Variants in PODXL observed in about 807,000 individuals in gnomAD.
PODXL encodes the protein podocalyxin.
PODXL carries 20 observed loss-of-function variants against 48.9 expected under a neutral mutation model. The observed-to-expected ratio is 0.41, with a 90% CI of 0.29 to 0.59. The LOEUF (loss-of-function observed/expected upper bound fraction) is 0.59. Among genes scored for constraint, PODXL ranks in the 20% least tolerant of loss-of-function variants. PODXL has a pLI of 0.31. For synonymous variants in PODXL, 295 were observed against 287.4 expected (o/e 1.03, Z -0.27); for missense variants, 606 against 675.1 (o/e 0.90, Z 1.13).
At chr7:131,509,199 A>G (rs1364125282) in intron 4 of PODXL, 166 bp downstream of exon 4, 1 of 815,372 alleles carries the variant, frequency 1.2e-6, no homozygotes, top group Admixed American at 2.1e-5. Context: ...AGGGCAGCTC[A>G]AGCCAGGACC....
At chr7:131,538,012 T>C (rs1302851829) in intron 1 of PODXL, among the ~76,000 whole-genome samples, 1 of 152,216 alleles carries the variant, frequency 6.6e-6, no homozygotes, top group African/African-American at 2.4e-5. Flanking sequence ...CCATTGTGAA[T>C]AGGGCTTCCG....
At position 131,556,518 on chromosome 7, in the gene PODXL, T is replaced by G. The variant is rs540109493; in HGVS notation, c.-159A>C. ...CTCCCGAGTCGCGCTGCGGCGGCTC[T>G]TCCTCCCTGCCGCTGCAGCAGAGCC... On this transcript the variant is annotated 5_prime_UTR_variant, in exon 1 of 9. Coordinates refer to ENST00000378555, the MANE Select transcript of PODXL (RefSeq NM_001018111.3). The G allele has an allele frequency of 5.3e-5, 45 of 841,540 alleles. No homozygotes were observed. In the Admixed American group the frequency reaches 1.4e-3, roughly 26 times the overall value. 52.1% of individuals were successfully genotyped at this position (841,540 alleles called of 1,614,324 possible).
At chr7:131,528,991 C>T (rs1189166035) in intron 1 of PODXL, among the ~76,000 whole-genome samples, 1 of 151,640 alleles carries the variant, frequency 6.6e-6, no homozygotes, top group Non-Finnish European at 1.5e-5. Flanking sequence ...GACAGTGATA[C>T]AAGGAGGAAA....
intron 8 of PODXL, 111 bp downstream of exon 8, chr7:131,505,753 TAGAA>T (rs1797786668): frequency 2.9e-6 from 3 of 1,044,740 alleles, no homozygotes; most frequent in Non-Finnish European, 4.1e-6. Context: ...CTCTGCCTGT[TAGAA>T]AGGGTCCAGG....
Position 131,510,277 on chromosome 7 carries a change from C to T in PODXL, c.761G>A (p.Gly254Asp), listed in dbSNP as rs1584809972. The T allele has an allele frequency of 2.4e-6, 1 of 411,610 alleles. No individual in the cohort carries two copies. The highest frequency in any genetic ancestry group is 4.8e-6 in the Non-Finnish European group (1 of 208,680). The allele number at this position is 411,610 out of a possible 1,614,324, so 25.5% of individuals were successfully genotyped here. The change falls in exon 3 of 9, where the codon GGT becomes GAT. Residue 254 changes from glycine to aspartate, a missense_variant. Transcript: ENST00000378555. ...SQAGLELLTS[G>D]DLPTLASQSA... ...TTGGGAGGCCAAGGTGGGCAGATCA[C>T]CCGAGGTCAGGAGTTCAAGACCAGC...
At chr7:131,517,515 A>G (rs1798020147) in intron 1 of PODXL, among the ~76,000 whole-genome samples, 1 of 152,168 alleles carries the variant, frequency 6.6e-6, no homozygotes, top group Non-Finnish European at 1.5e-5. Flanking sequence ...TTTCTTTTCC[A>G]TGGCTGCGTT....
intron 1 of PODXL, among the ~76,000 whole-genome samples, chr7:131,516,368 G>A (rs1054465290): frequency 3.9e-5 from 6 of 152,078 alleles, no homozygotes; most frequent in East Asian, 1.9e-4. Flanking sequence ...GTGAAACCCC[G>A]TCTCTACTAA....
At position 131,511,429 on chromosome 7, in the gene PODXL, G is replaced by A. The variant is rs1797913513; in HGVS notation, c.105C>T (p.Thr35=). Reference sequence around the variant, plus strand: ...TGTTAGATGAGTCCGTAGTAGTCTGGGTTGCTGTTTGTAAAGATAACAGAG... The same window carrying A: ...TGTTAGATGAGTCCGTAGTAGTCTGAGTTGCTGTTTGTAAAGATAACAGAG... ...SPSPSPSQNA[T]QTTTDSSNKT... Residue 35 remains threonine (T), a synonymous_variant, in exon 2 of 9, where the codon ACC becomes ACT. Transcript: ENST00000378555. 3 of 1,600,226 alleles carry A rather than the reference G, an allele frequency of 1.9e-6. No homozygotes were observed. The highest frequency in any genetic ancestry group is 1.7e-5 in the Admixed American group (1 of 59,988).
chr7:131,528,048 C>T (rs759457665), intron 1 of PODXL, among the ~76,000 whole-genome samples: 2 of 151,848 alleles, frequency 1.3e-5, no homozygotes, highest in South Asian at 2.1e-4. Flanking sequence ...GGATTACAGG[C>T]GCCCATCACC....
intron 1 of PODXL, among the ~76,000 whole-genome samples, chr7:131,540,623 C>T (rs543436355): frequency 3.3e-5 from 5 of 152,266 alleles, no homozygotes; most frequent in East Asian, 1.9e-4. Flanking sequence ...ACATTTGGCA[C>T]ACAACTCTTC....
chr7:131,521,337 A>ATTC, intron 1 of PODXL, among the ~76,000 whole-genome samples: 1 of 146,568 alleles, frequency 6.8e-6, no homozygotes, highest in South Asian at 2.2e-4. Flanking sequence ...ATTAAGGTCA[A>ATTC]TTTTTTTTTT....
intron 1 of PODXL, among the ~76,000 whole-genome samples, chr7:131,514,772 A>C (rs1239763436): frequency 6.6e-6 from 1 of 151,208 alleles, no homozygotes; most frequent in African/African-American, 2.5e-5. Flanking sequence ...ACACCCAGCT[A>C]ATTTTTTTTT....
chr7:131,532,499 A>G (rs1318992192), intron 1 of PODXL, among the ~76,000 whole-genome samples: 1 of 123,188 alleles, frequency 8.1e-6, no homozygotes, highest in Non-Finnish European at 1.7e-5. Context: ...AGAGATTTTT[A>G]CTTGTATATC....
intron 3 of PODXL, 56 bp downstream of exon 3, chr7:131,510,180 A>T (rs1781901958): frequency 2.2e-6 from 1 of 445,136 alleles, no homozygotes; most frequent in East Asian, 7.4e-5. Context: ...AAGCTCTTAT[A>T]AATAATAAGT....
At chr7:131,521,213 G>C (rs998197036) in intron 1 of PODXL, among the ~76,000 whole-genome samples, 1 of 151,808 alleles carries the variant, frequency 6.6e-6, no homozygotes, top group African/African-American at 2.4e-5. Context: ...TGAGCCCTGA[G>C]GTCATGAAGA....
At chr7:131,548,041 C>T (rs961049501) in intron 1 of PODXL, among the ~76,000 whole-genome samples, 1 of 152,154 alleles carries the variant, frequency 6.6e-6, no homozygotes, top group Non-Finnish European at 1.5e-5. Flanking sequence ...TGGGACACCT[C>T]GGATCCCTGT....
chr7:131,547,203 G>A lies in PODXL; in HGVS notation c.100+9057C>T, dbSNP rs551866785. ...AGCCTGACCAACAAGGAGAAACCCC[G>A]TCTCTACTAAAAATACAAACTTAGG... On this transcript the variant is annotated intron_variant, in intron 1 of 8. Transcript: ENST00000378555. Among the ~76,000 whole-genome samples the A allele has an allele frequency of 2.7e-4, 41 of 151,962 alleles. No homozygotes were observed. In the East Asian group the frequency reaches 2.7e-3, roughly 10 times the overall value.
chr7:131,513,244 C>T (rs1347844883), intron 1 of PODXL, among the ~76,000 whole-genome samples: 1 of 152,064 alleles, frequency 6.6e-6, no homozygotes, highest in East Asian at 1.9e-4. Context: ...CACAGTAATC[C>T]AGATGGAATG....
At chr7:131,547,764 G>A (rs1399666123) in intron 1 of PODXL, among the ~76,000 whole-genome samples, 3 of 152,142 alleles carry the variant, frequency 2.0e-5, no homozygotes, top group Admixed American at 2.0e-4. Flanking sequence ...TCCTCTCCAG[G>A]TATGCACCCC....
Sources: gnomAD v4.1 joint callset for allele counts (sites outside exome capture counted in the v4.1 genomes callset) on GRCh38, gnomAD v4.1.1 for gene constraint, MANE v1.5 for transcripts, NCBI Gene and HGNC (gene_info 2026-07-23, HGNC 2026-07-21) for gene names.